Variants in XKR4 observed in about 807,000 individuals in gnomAD.
XKR4 encodes the protein XK related 4.
In XKR4, 12 loss-of-function variants were observed where a neutral mutation model predicts 53.9. The observed-to-expected ratio is 0.22, with a 90% CI of 0.14 to 0.36. The LOEUF (loss-of-function observed/expected upper bound fraction) is 0.36, where lower values mean the gene tolerates loss of function less well. Ranked by LOEUF, XKR4 falls within the 10% of genes least tolerant of loss-of-function variation. The probability of loss-of-function intolerance (pLI) is 1.00; values close to 1 mark genes in which losing one functional copy is unlikely to be tolerated. For synonymous variants in XKR4, 354 were observed against 362.4 expected (o/e 0.98, Z 0.26); for missense variants, 799 against 859.5 (o/e 0.93, Z 0.88).
intron 2 of XKR4, among the ~76,000 whole-genome samples, chr8:55,398,551 T>G (rs375424435): frequency 6.6e-6 from 1 of 152,074 alleles, no homozygotes; most frequent in East Asian, 1.9e-4. Flanking sequence ...CTCCACACGG[T>G]GGAGGAGGGC....
At chr8:55,445,022 C>T (rs1805324096) in intron 2 of XKR4, among the ~76,000 whole-genome samples, 1 of 152,034 alleles carries the variant, frequency 6.6e-6, no homozygotes. Flanking sequence ...TAAACCACAG[C>T]TATATTGACA....
At chr8:55,460,519 T>TAGGA (rs1805638564) in intron 2 of XKR4, among the ~76,000 whole-genome samples, 1 of 152,154 alleles carries the variant, frequency 6.6e-6, no homozygotes, top group Non-Finnish European at 1.5e-5. Context: ...GATGGCTGAA[T>TAGGA]AGGAACAGCT....
At chr8:55,135,889 C>CTTTTTTTTTTTT (rs71256514) in intron 1 of XKR4, among the ~76,000 whole-genome samples, 1 of 146,026 alleles carries the variant, frequency 6.8e-6, no homozygotes, top group Non-Finnish European at 1.5e-5. Context: ...AACATGCTCA[C>CTTTTTTTTTTTT]TTTTTTTTTT....
chr8:55,498,348 A>G (rs927844061), intron 2 of XKR4, among the ~76,000 whole-genome samples: 15 of 152,160 alleles, frequency 9.9e-5, no homozygotes, highest in African/African-American at 3.6e-4. Flanking sequence ...GGTCATGTGC[A>G]GAGGGTCAGG....
intron 2 of XKR4, among the ~76,000 whole-genome samples, chr8:55,397,794 GT>G (rs1804543933): frequency 6.6e-6 from 1 of 152,040 alleles, no homozygotes; most frequent in African/African-American, 2.4e-5. Context: ...AAAAACCTCG[GT>G]GTCTTGGTCC....
intron 1 of XKR4, among the ~76,000 whole-genome samples, chr8:55,290,671 T>C (rs931515283): frequency 1.3e-5 from 2 of 152,182 alleles, no homozygotes; most frequent in African/African-American, 2.4e-5. Context: ...ATTTGTCATC[T>C]GTATATCCTC....
intron 2 of XKR4, among the ~76,000 whole-genome samples, chr8:55,426,996 T>C (rs1300444468): frequency 6.6e-6 from 1 of 152,202 alleles, no homozygotes; most frequent in East Asian, 1.9e-4. Flanking sequence ...CAGCAAATTA[T>C]TTACCAGAAT....
At chr8:55,478,811 A>G (rs946821238) in intron 2 of XKR4, among the ~76,000 whole-genome samples, 24 of 152,168 alleles carry the variant, frequency 1.6e-4, no homozygotes, top group Non-Finnish European at 3.2e-4. Context: ...GAAGGCCATT[A>G]CATAATGGTA....
chr8:55,500,469 C>T (rs1321744084), intron 2 of XKR4, among the ~76,000 whole-genome samples: 1 of 152,190 alleles, frequency 6.6e-6, no homozygotes, highest in African/African-American at 2.4e-5. Flanking sequence ...ACTTATTAAG[C>T]AGCATGTTAG....
intron 1 of XKR4, among the ~76,000 whole-genome samples, chr8:55,130,239 C>CA (rs5891558): frequency 2.6e-5 from 4 of 151,840 alleles, no homozygotes; most frequent in Non-Finnish European, 5.9e-5. Context: ...TTATCTGCTA[C>CA]AAAAAAAGTA....
intron 2 of XKR4, among the ~76,000 whole-genome samples, chr8:55,498,258 G>A (rs916305342): frequency 2.6e-5 from 4 of 152,182 alleles, no homozygotes; most frequent in East Asian, 1.9e-4. Context: ...GGACTAACCC[G>A]GTCCCACTGC....
chr8:55,328,815 C>T (rs531491807), intron 1 of XKR4, among the ~76,000 whole-genome samples: 77 of 152,270 alleles, frequency 5.1e-4, no homozygotes, highest in African/African-American at 1.7e-3. Flanking sequence ...CCATTTCTTT[C>T]GGATCTCAGC....
intron 1 of XKR4, among the ~76,000 whole-genome samples, chr8:55,154,072 G>T (rs1816874777): frequency 6.6e-6 from 1 of 152,086 alleles, no homozygotes; most frequent in South Asian, 2.1e-4. Flanking sequence ...CCCATTGATT[G>T]CATTTAGGAC....
chr8:55,135,781 G>A, intron 1 of XKR4: 1 of 321,170 alleles, frequency 3.1e-6, no homozygotes, highest in Non-Finnish European at 6.7e-6. Context: ...CACCCTTCCT[G>A]CATGTTGACC....
At chr8:55,360,592 T>C (rs576336597) in intron 2 of XKR4, among the ~76,000 whole-genome samples, 13 of 152,350 alleles carry the variant, frequency 8.5e-5, no homozygotes, top group African/African-American at 3.1e-4. Flanking sequence ...TGCAGATAGC[T>C]GTGAATCAAA....
intron 1 of XKR4, among the ~76,000 whole-genome samples, chr8:55,351,290 A>G (rs1392965618): frequency 6.6e-6 from 1 of 152,182 alleles, no homozygotes; most frequent in Non-Finnish European, 1.5e-5. Flanking sequence ...CAGTATTAGA[A>G]GGTTTGATTT....
At chr8:55,169,304 C>T (rs768265679) in intron 1 of XKR4, among the ~76,000 whole-genome samples, 1 of 152,226 alleles carries the variant, frequency 6.6e-6, no homozygotes, top group Non-Finnish European at 1.5e-5. Context: ...TCTAACTAGA[C>T]TGTTGCCACT....
chr8:55,512,148 T>A (rs1166438612), intron 2 of XKR4, among the ~76,000 whole-genome samples: 1 of 152,172 alleles, frequency 6.6e-6, no homozygotes, highest in Non-Finnish European at 1.5e-5. Context: ...GACCTCTGCA[T>A]CCTCTAGAGC....
At chr8:55,237,178 T>C (rs931211043) in intron 1 of XKR4, among the ~76,000 whole-genome samples, 2 of 152,216 alleles carry the variant, frequency 1.3e-5, no homozygotes, top group African/African-American at 4.8e-5. Flanking sequence ...GATGAATTCC[T>C]TGGGGAGGTG....
Sources: gnomAD v4.1 joint callset for allele counts (sites outside exome capture counted in the v4.1 genomes callset) on GRCh38, gnomAD v4.1.1 for gene constraint, MANE v1.5 for transcripts, NCBI Gene and HGNC (gene_info 2026-07-23, HGNC 2026-07-21) for gene names.